The following PTPRM variants were observed in gnomAD, a reference collection of about 807,000 sequenced individuals.
PTPRM encodes protein tyrosine phosphatase receptor type M, also known as receptor-type tyrosine-protein phosphatase mu.
In PTPRM, 47 loss-of-function variants were observed where a neutral mutation model predicts 186.7. That is an observed-to-expected ratio of 0.25 (90% CI 0.20 to 0.32). The LOEUF is 0.32. Among genes scored for constraint, PTPRM ranks in the 10% least tolerant of loss-of-function variants. PTPRM has a pLI of 1.00. For synonymous variants in PTPRM, 668 were observed against 674.9 expected, an observed-to-expected ratio of 0.99 and a Z score of 0.16; for missense variants, 1,494 against 1,865.0, an observed-to-expected ratio of 0.80 and a Z score of 3.66.
rs767973369 is a variant in PTPRM at position 7,949,308 on chromosome 18, C to A, written c.791C>A (p.Thr264Asn). ...DAGKYRCMIR[T>N]EGGVGISNYA... ...GGAAAGTACCGCTGCATGATTCGCA[C>A]TGAAGGAGGTGTTGGAATATCAAAC... The change falls in exon 6 of 33, where the codon ACT (threonine) becomes AAT (asparagine). Residue 264 changes from threonine (T) to asparagine (N), a missense_variant. Physicochemically the swap from Thr to Asn is moderately conservative, Grantham distance 65. Around this residue, in one of 3 missense-constraint regions of PTPRM, gnomAD observed 296 missense variants for 345.5 expected, o/e 0.86. Transcript: ENST00000580170. The A allele has an allele frequency of 6.2e-7, 1 of 1,614,062 alleles. No homozygotes were observed. The highest frequency in any genetic ancestry group is 2.2e-5 in the East Asian group (1 of 44,876).
At chr18:7,832,631 A>G (rs928177359) in intron 2 of PTPRM, among the ~76,000 whole-genome samples, 1 of 152,004 alleles carries the variant, frequency 6.6e-6, no homozygotes, top group African/African-American at 2.4e-5. Context: ...ATGTAGTCCC[A>G]TTTGTCCATT....
chr18:8,246,379 C>T (rs1008287891), intron 15 of PTPRM, among the ~76,000 whole-genome samples: 2 of 152,126 alleles, frequency 1.3e-5, no homozygotes, highest in African/African-American at 4.8e-5. Flanking sequence ...GGGGATTAAT[C>T]TCTCCAGCAA....
chr18:8,112,504 G>A (rs1363650589), intron 11 of PTPRM, among the ~76,000 whole-genome samples: 1 of 152,194 alleles, frequency 6.6e-6, no homozygotes, highest in Non-Finnish European at 1.5e-5. Flanking sequence ...GATACTGTAA[G>A]AAAAAGATCC....
At chr18:8,191,307 G>A (rs187471292) in intron 14 of PTPRM, among the ~76,000 whole-genome samples, 5 of 151,752 alleles carry the variant, frequency 3.3e-5, no homozygotes, top group Admixed American at 2.0e-4. Context: ...ACACAGACAC[G>A]TCTGAGGGGC....
chr18:8,143,210 A>G (rs897371781), intron 13 of PTPRM, among the ~76,000 whole-genome samples: 1 of 152,232 alleles, frequency 6.6e-6, no homozygotes, highest in Admixed American at 6.5e-5. Context: ...GTTTGGACTA[A>G]TATGTTATGG....
rs538749143 is a variant in PTPRM at position 8,342,056 on chromosome 18, G to A, written c.2957-1367G>A. On this transcript the variant is annotated intron_variant, in intron 22 of 32. Coordinates refer to ENST00000580170, the MANE Select transcript of PTPRM (RefSeq NM_001105244.2). ...GGAGGGTAACAGTGTAGTCAGAAGC[G>A]GCAAGGGAGAAATGATAGGAATTTG... 7.9e-5 allele frequency among the ~76,000 whole-genome samples: 12 copies of A among 152,222 alleles called. No individual in the cohort carries two copies. In the East Asian group the frequency reaches 9.7e-4, roughly 12 times the overall value.
intron 3 of PTPRM, among the ~76,000 whole-genome samples, chr18:7,901,297 C>G (rs1040553184): frequency 6.6e-6 from 1 of 152,162 alleles, no homozygotes; most frequent in African/African-American, 2.4e-5. Flanking sequence ...AACAGTGGAA[C>G]CTTGAACAGA....
At chr18:7,762,553 A>G (rs1352003677) in intron 1 of PTPRM, among the ~76,000 whole-genome samples, 3 of 152,208 alleles carry the variant, frequency 2.0e-5, no homozygotes, top group Non-Finnish European at 4.4e-5. Flanking sequence ...TCCGATGGAC[A>G]ATAAAGGGCT....
chr18:8,083,816 G>A (rs2090283790), intron 9 of PTPRM, among the ~76,000 whole-genome samples: 1 of 152,138 alleles, frequency 6.6e-6, no homozygotes, highest in African/African-American at 2.4e-5. Flanking sequence ...AGCAAAAGCA[G>A]TGTCAGAAAA....
chr18:7,907,156 C>A (rs2050026867), intron 4 of PTPRM, among the ~76,000 whole-genome samples: 1 of 152,200 alleles, frequency 6.6e-6, no homozygotes, highest in East Asian at 1.9e-4. Context: ...GAACAACTAA[C>A]AGTTTGTCAT....
chr18:8,297,956 A>G (rs775392357), intron 20 of PTPRM, among the ~76,000 whole-genome samples: 1 of 152,190 alleles, frequency 6.6e-6, no homozygotes, highest in Non-Finnish European at 1.5e-5. Context: ...ATTACTCCTC[A>G]GTGGATCCCA....
chr18:7,645,293 TC>T (rs911997144), intron 1 of PTPRM, among the ~76,000 whole-genome samples: 1 of 152,202 alleles, frequency 6.6e-6, no homozygotes, highest in Non-Finnish European at 1.5e-5. Context: ...TAGTTCAGAA[TC>T]GGGCACATTT....
intron 29 of PTPRM, among the ~76,000 whole-genome samples, chr18:8,382,202 A>C (rs28490278): frequency 6.6e-6 from 1 of 152,036 alleles, no homozygotes; most frequent in African/African-American, 2.4e-5. Flanking sequence ...CGGTTCACGG[A>C]CGTGTTATGC....
chr18:7,941,246 G>A (rs2052153423), intron 5 of PTPRM, among the ~76,000 whole-genome samples: 1 of 152,200 alleles, frequency 6.6e-6, no homozygotes, highest in Non-Finnish European at 1.5e-5. Flanking sequence ...CTCTGAACAA[G>A]TCTGCTTCTC....
intron 22 of PTPRM, among the ~76,000 whole-genome samples, chr18:8,325,696 A>G (rs2148119071): frequency 6.6e-6 from 1 of 152,342 alleles, no homozygotes; most frequent in South Asian, 2.1e-4. Context: ...TATACAGCCA[A>G]TAATGGGATT....
At chr18:8,349,876 G>A (rs141341651) in intron 23 of PTPRM, among the ~76,000 whole-genome samples, 47 of 152,300 alleles carry the variant, frequency 3.1e-4, no homozygotes, top group African/African-American at 6.7e-4. Context: ...CAGTAGCAGC[G>A]TCCCCACTGG....
At chr18:7,713,233 G>A (rs2040249997) in intron 1 of PTPRM, among the ~76,000 whole-genome samples, 1 of 152,114 alleles carries the variant, frequency 6.6e-6, no homozygotes, top group Non-Finnish European at 1.5e-5. Context: ...CTTAAGAAAA[G>A]AATTTTCAAC....
chr18:7,738,631 C>G (rs193132276), intron 1 of PTPRM, among the ~76,000 whole-genome samples: 4,125 of 146,274 alleles, frequency 0.028, 77 homozygotes, highest in Non-Finnish European at 0.04. Flanking sequence ...TTAGTAGAGA[C>G]GGGGTTTCAC....
rs117522395 is a variant in PTPRM, at chr18:7,954,464, G to C, written c.839-657G>C. On this transcript the variant is annotated intron_variant, in intron 6 of 32. Transcript: ENST00000580170. Reference sequence around the variant, plus strand: ...TTATTTTGGAAAATGAGTCATCCTGGAAATGTATTTTTGATGAGATAAACT... The same window carrying C: ...TTATTTTGGAAAATGAGTCATCCTGCAAATGTATTTTTGATGAGATAAACT... Among the ~76,000 whole-genome samples, 1,405 of 152,256 alleles carry C rather than the reference G, an allele frequency of 9.2e-3. 12 individuals carry two copies. The highest frequency in any genetic ancestry group is 0.019 in the South Asian group (92 of 4,820).
Sources: allele counts gnomAD v4.1 joint callset (sites outside exome capture counted in the v4.1 genomes callset), GRCh38; gene constraint gnomAD v4.1.1; regional missense constraint gnomAD v4.1.1; transcripts MANE v1.5; gene names NCBI Gene and HGNC (gene_info 2026-07-23, HGNC 2026-07-21).